The following PCDH15 variants were observed in gnomAD, a reference collection of about 807,000 sequenced individuals.
PCDH15 encodes protocadherin-15.
PCDH15 carries 129 observed loss-of-function variants against 178.5 expected under a neutral mutation model. That is an observed-to-expected ratio of 0.72 (90% CI 0.63 to 0.84). The LOEUF is 0.84. Among genes scored for constraint, PCDH15 ranks in the 40% least tolerant of loss-of-function variants. PCDH15 has a pLI of 0.00. For synonymous variants in PCDH15, 800 were observed against 732.0 expected, an observed-to-expected ratio of 1.09 and a Z score of -1.50; for missense variants, 2,230 against 2,099.9, an observed-to-expected ratio of 1.06 and a Z score of -1.21.
At chr10:55,430,664 T>G (rs951605795) in intron 2 of PCDH15, among the ~76,000 whole-genome samples, 33 of 152,140 alleles carry the variant, frequency 2.2e-4, no homozygotes, top group African/African-American at 7.2e-4. Flanking sequence ...GAAGAAAAGA[T>G]TACTAAATAA....
intron 2 of PCDH15, among the ~76,000 whole-genome samples, chr10:55,614,368 A>T (rs1034397921): frequency 1.3e-5 from 2 of 152,144 alleles, no homozygotes; most frequent in Non-Finnish European, 2.9e-5. Context: ...ATATTATAGC[A>T]GTTATTTTGG....
chr10:55,239,501 A>G (rs1471589454), intron 1 of PCDH15, among the ~76,000 whole-genome samples: 2 of 152,322 alleles, frequency 1.3e-5, no homozygotes, highest in East Asian at 3.9e-4. Flanking sequence ...CACATGCAGA[A>G]GAGTGAAACT....
intron 1 of PCDH15, among the ~76,000 whole-genome samples, chr10:55,176,831 G>A (rs918013088): frequency 1.3e-5 from 2 of 151,890 alleles, no homozygotes; most frequent in East Asian, 1.9e-4. Flanking sequence ...CTTTGCATTC[G>A]AGGATCCTTG....
At chr10:54,354,833 TA>T (rs1565058548) in intron 5 of PCDH15, among the ~76,000 whole-genome samples, 1 of 152,054 alleles carries the variant, frequency 6.6e-6, no homozygotes, top group African/African-American at 2.4e-5. Context: ...ATAATTCTGA[TA>T]AAAACAGATG....
chr10:53,965,060 A>ATT (rs60097108), intron 21 of PCDH15, among the ~76,000 whole-genome samples: 95 of 144,782 alleles, frequency 6.6e-4, no homozygotes, highest in African/African-American at 2.3e-3. Context: ...TAGTACCTAC[A>ATT]TTTTTTTTTT....
chr10:54,842,476 C>T lies in PCDH15; in HGVS notation c.-29+54974G>A, dbSNP rs530127159. ...TCAAGGTTCAAAACTCAGGAGGAAA[C>T]CTTGTCATTAAATTCTATAAGGAAA... is the stretch of plus-strand genomic sequence containing the variant. On this transcript the variant is annotated intron_variant, in intron 3 of 5. Transcript: ENST00000458638. Among the ~76,000 whole-genome samples the T allele has an allele frequency of 1.7e-4, 26 of 151,900 alleles. No homozygotes were observed. In the South Asian group the frequency reaches 5.0e-3, roughly 29 times the overall value.
chr10:55,414,668 T>C (rs181817908), intron 2 of PCDH15, among the ~76,000 whole-genome samples: 184 of 151,714 alleles, frequency 1.2e-3, no homozygotes, highest in Middle Eastern at 0.01. Context: ...ACTGATTTCA[T>C]TTTAGATAGA....
At chr10:54,914,530 C>T (rs1954870173) in intron 2 of PCDH15, among the ~76,000 whole-genome samples, 1 of 152,078 alleles carries the variant, frequency 6.6e-6, no homozygotes, top group African/African-American at 2.4e-5. Flanking sequence ...ATCAAAGTTA[C>T]TGGTTTTCCA....
chr10:55,254,435 C>G (rs919600509), intron 1 of PCDH15, among the ~76,000 whole-genome samples: 2 of 152,126 alleles, frequency 1.3e-5, no homozygotes, highest in Admixed American at 1.3e-4. Context: ...CCCAAAGGCT[C>G]TACCTGGAAA....
chr10:55,606,497 T>C (rs1403546665), intron 2 of PCDH15, among the ~76,000 whole-genome samples: 2 of 149,042 alleles, frequency 1.3e-5, no homozygotes, highest in Non-Finnish European at 3.0e-5. Context: ...CTTCAAACTA[T>C]ACTACAAGGC....
chr10:54,424,414 C>G (rs774299796), intron 3 of PCDH15, among the ~76,000 whole-genome samples: 11 of 151,958 alleles, frequency 7.2e-5, no homozygotes, highest in Middle Eastern at 3.4e-3. Context: ...GTTGGTGGGA[C>G]TGTAAACTAG....
intron 2 of PCDH15, among the ~76,000 whole-genome samples, chr10:55,019,114 T>G (rs1840260992): frequency 6.6e-6 from 1 of 152,162 alleles, no homozygotes; most frequent in Admixed American, 6.5e-5. Flanking sequence ...AATATTACAT[T>G]ATCAATCACT....
chr10:54,814,601 A>C (rs552645001), intron 3 of PCDH15, among the ~76,000 whole-genome samples: 4 of 152,096 alleles, frequency 2.6e-5, no homozygotes, highest in African/African-American at 9.7e-5. Context: ...GTCTTTTCTG[A>C]TCTGGTCAAC....
chr10:54,936,952 T>C (rs903766535), intron 2 of PCDH15, among the ~76,000 whole-genome samples: 2 of 152,008 alleles, frequency 1.3e-5, no homozygotes, highest in East Asian at 3.8e-4. Context: ...TTCTATGTTT[T>C]CTTCTAAGAG....
chr10:54,236,264 C>T (rs931104513), intron 9 of PCDH15, among the ~76,000 whole-genome samples: 2 of 152,030 alleles, frequency 1.3e-5, no homozygotes, highest in Admixed American at 6.6e-5. Context: ...GCTTTTGACA[C>T]AATTAGTAGT....
intron 2 of PCDH15, among the ~76,000 whole-genome samples, chr10:55,024,122 AAT>A (rs373895204): frequency 0.016 from 2,186 of 140,984 alleles, 48 homozygotes; most frequent in African/African-American, 0.052. Context: ...TATAGGAAGG[AAT>A]ATATATATAT....
intron 20 of PCDH15, among the ~76,000 whole-genome samples, chr10:54,001,837 C>A (rs1044858992): frequency 6.6e-6 from 1 of 151,874 alleles, no homozygotes; most frequent in Non-Finnish European, 1.5e-5. Flanking sequence ...AAACACACTT[C>A]ACCTATAAAG....
chr10:53,894,925 C>T (rs1035460410), intron 26 of PCDH15, among the ~76,000 whole-genome samples: 2 of 152,104 alleles, frequency 1.3e-5, no homozygotes, highest in African/African-American at 2.4e-5. Flanking sequence ...CCACTGGAAA[C>T]GTGGTTGAGC....
At chr10:54,229,895 T>C (rs965077916) in intron 9 of PCDH15, among the ~76,000 whole-genome samples, 3 of 152,188 alleles carry the variant, frequency 2.0e-5, no homozygotes, top group Admixed American at 2.0e-4. Flanking sequence ...AACCCTCTCA[T>C]CTCCTTGAAT....
Sources: gnomAD v4.1 joint callset for allele counts (sites outside exome capture counted in the v4.1 genomes callset) on GRCh38, gnomAD v4.1.1 for gene constraint, MANE v1.5 for transcripts, NCBI Gene and HGNC (gene_info 2026-07-23, HGNC 2026-07-21) for gene names.